SMAD1: variants seen among roughly 807,000 people sequenced by gnomAD.
The protein encoded by SMAD1 is SMAD family member 1.
Under a neutral mutation model 41.6 loss-of-function variants are expected in SMAD1, and 6 were observed. The ratio of observed to expected loss-of-function variants is 0.14; its 90% CI spans 0.08 to 0.28. SMAD1 has a LOEUF of 0.28. Among genes scored for constraint, SMAD1 ranks in the 10% least tolerant of loss-of-function variants. The pLI is 1.00. For synonymous variants in SMAD1, 206 were observed against 203.2 expected (o/e 1.01, Z -0.12); for missense variants, 379 against 582.6 (o/e 0.65, Z 3.60).
rs1728205385 is a variant in SMAD1 at position 145,482,018 on chromosome 4, G to A, written c.-197G>A. The stretch of plus-strand genomic sequence containing the variant: ...GCCCGGCCACTCGTGCTCCCACACG[G>A]ACGGGCGCGCCGCCAACCCGGTAAA... On this transcript the variant is annotated 5_prime_UTR_variant, in exon 1 of 7. Transcript: ENST00000302085. The surrounding 1 kb of genome is among the most constrained non-coding windows in gnomAD (Gnocchi z 4.2). 6.6e-6 allele frequency: 1 copy of A among 152,006 alleles called. No individual in the cohort carries two copies. Among genetic ancestry groups the A allele is most frequent in the African/African-American group, 2.4e-5 (1 of 41,392 alleles). 9.4% of individuals were successfully genotyped at this position (152,006 alleles called of 1,614,324 possible).
intron 2 of SMAD1, among the ~76,000 whole-genome samples, chr4:145,523,793 G>T (rs1358703771): frequency 2.0e-5 from 3 of 152,162 alleles, no homozygotes; most frequent in Non-Finnish European, 4.4e-5. Flanking sequence ...TGGCAGGAGG[G>T]GTGCCTTAGG....
At chr4:145,493,146 T>C (rs1728863343) in intron 1 of SMAD1, among the ~76,000 whole-genome samples, 1 of 152,210 alleles carries the variant, frequency 6.6e-6, no homozygotes, top group African/African-American at 2.4e-5. Flanking sequence ...GAGTGGGTTG[T>C]GACTGGGAGT....
intron 4 of SMAD1, chr4:145,546,250 A>G (rs1732246055): frequency 5.9e-6 from 1 of 168,338 alleles, no homozygotes; most frequent in East Asian, 1.5e-4. Context: ...GTCTTTGCCA[A>G]AAGTAATTCA....
At position 145,488,816 on chromosome 4, in the gene SMAD1, A is replaced by G. The variant is rs1221762022; in HGVS notation, c.-177+6778A>G. ...ATATTTATTAGTTCTGAGGCTTAATAATTAGAGTATACACAAACATGAAAA... is the reference window on the plus strand; with the variant it reads ...ATATTTATTAGTTCTGAGGCTTAATGATTAGAGTATACACAAACATGAAAA... On this transcript the variant is annotated intron_variant, in intron 1 of 6. Coordinates refer to ENST00000302085, the MANE Select transcript of SMAD1 (RefSeq NM_005900.3). Among the ~76,000 whole-genome samples, 13 of 152,334 alleles carry G rather than the reference A, an allele frequency of 8.5e-5. No homozygotes were observed. The East Asian group carries it at 2.3e-3, about 27-fold the overall frequency.
At chr4:145,521,553 CTT>C (rs1321272296) in intron 2 of SMAD1, among the ~76,000 whole-genome samples, 1 of 152,180 alleles carries the variant, frequency 6.6e-6, no homozygotes, top group Non-Finnish European at 1.5e-5. Context: ...TGTTTTCACT[CTT>C]TGGCTGCCTC....
intron 2 of SMAD1, among the ~76,000 whole-genome samples, chr4:145,520,242 G>A (rs1730667968): frequency 6.6e-6 from 1 of 152,212 alleles, no homozygotes; most frequent in South Asian, 2.1e-4. Context: ...TCAAATCAGT[G>A]TGTCAAGGAG....
At chr4:145,493,403 A>T (rs1283840250) in intron 1 of SMAD1, among the ~76,000 whole-genome samples, 1 of 152,188 alleles carries the variant, frequency 6.6e-6, no homozygotes, top group Non-Finnish European at 1.5e-5. Context: ...TTTGCAGTCC[A>T]ACATATTTAA....
At position 145,542,623 on chromosome 4, in the gene SMAD1, A is replaced by G. The variant is rs772087791; in HGVS notation, c.700A>G (p.Met234Val). Reference protein sequence around the residue: ...PPAYLPPEDPMTQDGSQPMDT... With the variant: ...PPAYLPPEDPVTQDGSQPMDT... ...TGCTTACCTGCCTCCTGAAGACCCC[A>G]TGACCCAGGATGGCTCTCAGCCGAT... Residue 234 changes from methionine to valine, a missense_variant, in exon 4 of 7, where the codon ATG becomes GTG. Around this residue, in one of 3 missense-constraint regions of SMAD1, gnomAD observed 208 missense variants for 210.5 expected, o/e 0.99. Transcript: ENST00000302085. The G allele has an allele frequency of 1.9e-6, 3 of 1,613,276 alleles. No individual in the cohort carries two copies. The highest frequency in any genetic ancestry group is 2.2e-5 in the East Asian group (1 of 44,824).
At chr4:145,541,317 G>T (rs1731917709) in intron 3 of SMAD1, among the ~76,000 whole-genome samples, 1 of 152,220 alleles carries the variant, frequency 6.6e-6, no homozygotes, top group Admixed American at 6.5e-5. Context: ...GATGGGAGGA[G>T]GTGCCTGTAG....
At chr4:145,489,549 C>T (rs1037919652) in intron 1 of SMAD1, among the ~76,000 whole-genome samples, 3 of 152,048 alleles carry the variant, frequency 2.0e-5, no homozygotes, top group East Asian at 3.8e-4. Context: ...AAAGAGATGT[C>T]GGAGATATAT....
At chr4:145,511,959 T>G (rs911260384) in intron 1 of SMAD1, among the ~76,000 whole-genome samples, 18 of 152,236 alleles carry the variant, frequency 1.2e-4, no homozygotes, top group African/African-American at 3.9e-4. Flanking sequence ...TGTAAACCAG[T>G]TCTCTCAGAT....
At chr4:145,519,252 C>T (rs1241013632) in intron 2 of SMAD1, among the ~76,000 whole-genome samples, 1 of 70,066 alleles carries the variant, frequency 1.4e-5, no homozygotes, top group Non-Finnish European at 5.3e-5. Flanking sequence ...TGCATCACCA[C>T]GCCCAGCTAA....
At chr4:145,501,733 T>A (rs937691751) in intron 1 of SMAD1, among the ~76,000 whole-genome samples, 4 of 143,620 alleles carry the variant, frequency 2.8e-5, no homozygotes, top group Non-Finnish European at 4.7e-5. Flanking sequence ...TTTTTTTTTT[T>A]AAACTTGACT....
intron 1 of SMAD1, among the ~76,000 whole-genome samples, chr4:145,513,855 CAGT>C (rs1161247921): frequency 2.0e-5 from 3 of 152,176 alleles, no homozygotes; most frequent in Non-Finnish European, 4.4e-5. Flanking sequence ...CTTTTGCTAA[CAGT>C]GGCTTACTTT....
intron 1 of SMAD1, among the ~76,000 whole-genome samples, chr4:145,496,274 AGGGG>A (rs1413889361): frequency 6.6e-6 from 1 of 152,036 alleles, no homozygotes; most frequent in Non-Finnish European, 1.5e-5. Flanking sequence ...CATCAAACCA[AGGGG>A]GGGACTACTG....
chr4:145,521,912 A>AC (rs1211371530), intron 2 of SMAD1, among the ~76,000 whole-genome samples: 1 of 152,096 alleles, frequency 6.6e-6, no homozygotes, highest in South Asian at 2.1e-4. Flanking sequence ...AAAAAAAAAA[A>AC]AAAAAAGCAG....
At chr4:145,490,916 A>T (rs1158410266) in intron 1 of SMAD1, among the ~76,000 whole-genome samples, 2 of 152,148 alleles carry the variant, frequency 1.3e-5, no homozygotes, top group Non-Finnish European at 2.9e-5. Context: ...GGTTAAAAAC[A>T]TTTCTTTTTC....
At chr4:145,486,255 T>G (rs1728477608) in intron 1 of SMAD1, among the ~76,000 whole-genome samples, 1 of 152,212 alleles carries the variant, frequency 6.6e-6, no homozygotes, top group Non-Finnish European at 1.5e-5. Flanking sequence ...GGCATGAAAA[T>G]AATGCATTTC....
intron 2 of SMAD1, among the ~76,000 whole-genome samples, chr4:145,524,093 G>A (rs1407271252): frequency 6.6e-6 from 1 of 152,088 alleles, no homozygotes; most frequent in Non-Finnish European, 1.5e-5. Flanking sequence ...AAAGCACAAG[G>A]TCACTACTTA....
Sources: allele counts gnomAD v4.1 joint callset (sites outside exome capture counted in the v4.1 genomes callset), GRCh38; gene constraint gnomAD v4.1.1; regional missense constraint gnomAD v4.1.1; non-coding constraint Gnocchi (gnomAD v3.1); transcripts MANE v1.5; gene names NCBI Gene and HGNC (gene_info 2026-07-23, HGNC 2026-07-21).